The following BEND6 variants were observed in gnomAD, a reference collection of about 807,000 sequenced individuals.
BEND6 encodes BEN domain-containing protein 6.
BEND6 carries 24 observed loss-of-function variants against 31.8 expected under a neutral mutation model. The ratio of observed to expected loss-of-function variants is 0.75; its 90% CI spans 0.55 to 1.06. The LOEUF (loss-of-function observed/expected upper bound fraction) is 1.06. Among genes scored for constraint, BEND6 ranks in the 50% least tolerant of loss-of-function variants. BEND6 has a pLI of 0.00. For synonymous variants in BEND6, 109 were observed against 114.6 expected, an observed-to-expected ratio of 0.95 and a Z score of 0.31; for missense variants, 294 against 327.4, an observed-to-expected ratio of 0.90 and a Z score of 0.79.
intron 1 of BEND6, among the ~76,000 whole-genome samples, chr6:56,963,758 T>TTCAG (rs2127838857): frequency 6.6e-6 from 1 of 150,592 alleles, no homozygotes; most frequent in East Asian, 1.9e-4. Flanking sequence ...GGTAATCTGG[T>TTCAG]TCAGTTTGCT....
chr6:56,961,299 A>G (rs1427302689), intron 1 of BEND6, among the ~76,000 whole-genome samples: 1 of 152,140 alleles, frequency 6.6e-6, no homozygotes, highest in Non-Finnish European at 1.5e-5. Flanking sequence ...CTAAACTATA[A>G]AAGTTTAGAT....
At chr6:56,959,094 A>C (rs188763801) in intron 1 of BEND6, among the ~76,000 whole-genome samples, 106 of 152,274 alleles carry the variant, frequency 7.0e-4, no homozygotes, top group African/African-American at 2.3e-3. Flanking sequence ...GAAGAGGGAG[A>C]GAAATAATTA....
intron 1 of BEND6, among the ~76,000 whole-genome samples, chr6:56,957,375 A>G (rs1284997388): frequency 6.6e-6 from 1 of 152,236 alleles, no homozygotes; most frequent in African/African-American, 2.4e-5. Flanking sequence ...AGAATTTAGT[A>G]TTTAGTTCCA....
intron 2 of BEND6, 137 bp from the exon 3 acceptor site, chr6:56,992,241 G>T (rs1465297761): frequency 8.4e-6 from 8 of 953,806 alleles, no homozygotes; most frequent in Non-Finnish European, 1.0e-5. Context: ...GGAGGACAAA[G>T]CTGGGGCTAG....
chr6:56,992,728 A>G (rs1467206638), intron 3 of BEND6, among the ~76,000 whole-genome samples, 173 bp downstream of exon 3: 1 of 152,220 alleles, frequency 6.6e-6, no homozygotes. Context: ...AAAGCACTCT[A>G]TTGAAGGATC....
intron 3 of BEND6, among the ~76,000 whole-genome samples, chr6:57,013,493 A>G (rs1360018027): frequency 6.6e-6 from 1 of 152,186 alleles, no homozygotes; most frequent in Non-Finnish European, 1.5e-5. Context: ...CGGTTGATTG[A>G]CTGCACATGT....
chr6:56,996,247 G>A (rs1342784552), intron 3 of BEND6, among the ~76,000 whole-genome samples: 4 of 152,092 alleles, frequency 2.6e-5, no homozygotes, highest in African/African-American at 9.7e-5. Context: ...AGGAGTTTGA[G>A]ACCAACCTGG....
Position 57,020,839 on chromosome 6 carries a change from T to TG in BEND6, c.*9+2282_*9+2283insG, listed in dbSNP as rs1230932483. 3.3e-3 allele frequency among the ~76,000 whole-genome samples: 485 copies of TG among 147,200 alleles called. 3 individuals are homozygous for TG. The highest frequency in any genetic ancestry group is 7.7e-3 in the African/African-American group (309 of 40,228). On this transcript the variant is annotated intron_variant, in intron 6 of 6. Transcript: ENST00000370746. Reference sequence around the variant, plus strand: ...TTTGATATCCTAAACTCTTGTTTTTTTTTTTTTTTTTTTTTAATATTTCTG... The same window carrying TG: ...TTTGATATCCTAAACTCTTGTTTTTTGTTTTTTTTTTTTTTTAATATTTCTG...
intron 3 of BEND6, among the ~76,000 whole-genome samples, chr6:57,005,495 G>A (rs1406239348): frequency 6.6e-6 from 1 of 151,846 alleles, no homozygotes; most frequent in Non-Finnish European, 1.5e-5. Context: ...GGCCAACATG[G>A]TGAAACTCCA....
chr6:57,023,955 A>C (rs1319974226), intron 6 of BEND6, among the ~76,000 whole-genome samples: 1 of 152,078 alleles, frequency 6.6e-6, no homozygotes, highest in African/African-American at 2.4e-5. Context: ...TTTTATTTTT[A>C]GTGAATCTAT....
intron 3 of BEND6, among the ~76,000 whole-genome samples, chr6:57,008,010 G>C (rs188551784): frequency 2.0e-5 from 3 of 152,334 alleles, no homozygotes; most frequent in Non-Finnish European, 4.4e-5. Context: ...TTGGGGTTAT[G>C]TGCCTTCATG....
intron 1 of BEND6, among the ~76,000 whole-genome samples, chr6:56,967,665 A>G (rs1413184082): frequency 6.6e-6 from 1 of 152,188 alleles, no homozygotes; most frequent in East Asian, 1.9e-4. Context: ...ACACTGATGA[A>G]CAAGCCAAGA....
chr6:56,970,058 T>C (rs1420830210), intron 1 of BEND6, among the ~76,000 whole-genome samples: 1 of 152,188 alleles, frequency 6.6e-6, no homozygotes, highest in Admixed American at 6.5e-5. Context: ...GCATTGCATG[T>C]AGTAAGGGTA....
chr6:56,964,422 C>T lies in BEND6; in HGVS notation c.-101+8962C>T, dbSNP rs550270108. Among the ~76,000 whole-genome samples the T allele has an allele frequency of 2.0e-5, 3 of 152,250 alleles. No homozygotes were observed. In the East Asian group the frequency reaches 5.8e-4, roughly 29 times the overall value. ...TTCTGTGTCCTGCTGACTGTTCTAACAACTTCTCTACCATAAAATCAAAGA... is the reference window on the plus strand; with the variant it reads ...TTCTGTGTCCTGCTGACTGTTCTAATAACTTCTCTACCATAAAATCAAAGA... On this transcript the variant is annotated intron_variant, in intron 1 of 6. Transcript: ENST00000370746.
At chr6:57,000,318 T>C (rs986145130) in intron 3 of BEND6, among the ~76,000 whole-genome samples, 4 of 152,138 alleles carry the variant, frequency 2.6e-5, no homozygotes, top group Non-Finnish European at 5.9e-5. Context: ...ACATGTGCTG[T>C]GTTAACTCAG....
At chr6:56,990,075 G>A (rs943299071) in intron 2 of BEND6, among the ~76,000 whole-genome samples, 1 of 151,888 alleles carries the variant, frequency 6.6e-6, no homozygotes, top group South Asian at 2.1e-4. Flanking sequence ...GTGCATGTGT[G>A]TATGTGTGTA....
chr6:56,999,684 G>C (rs1392133547), intron 3 of BEND6, among the ~76,000 whole-genome samples: 1 of 152,194 alleles, frequency 6.6e-6, no homozygotes, highest in African/African-American at 2.4e-5. Flanking sequence ...ACAGACCACT[G>C]TGTACTCCAC....
At chr6:57,015,687 C>G (rs1173814248) in intron 4 of BEND6, among the ~76,000 whole-genome samples, 1 of 151,644 alleles carries the variant, frequency 6.6e-6, no homozygotes. Flanking sequence ...CACCTGTAGT[C>G]CCAGCTACTT....
intron 2 of BEND6, among the ~76,000 whole-genome samples, chr6:56,989,805 A>G (rs1364503962): frequency 6.6e-6 from 1 of 152,050 alleles, no homozygotes; most frequent in Non-Finnish European, 1.5e-5. Flanking sequence ...CTTTTTCCTT[A>G]CTGATTTGTC....
Sources: gnomAD v4.1 joint callset for allele counts (sites outside exome capture counted in the v4.1 genomes callset) on GRCh38, gnomAD v4.1.1 for gene constraint, MANE v1.5 for transcripts, NCBI Gene and HGNC (gene_info 2026-07-23, HGNC 2026-07-21) for gene names.